The following ABCC6 variants were observed in gnomAD, a reference collection of about 807,000 sequenced individuals.
ABCC6 encodes the protein ATP binding cassette subfamily C member 6.
In ABCC6, 126 loss-of-function variants were observed where a neutral mutation model predicts 169.5. That is an observed-to-expected ratio of 0.74 (90% CI 0.64 to 0.86). The LOEUF is 0.86. ABCC6 is among the 40% of genes least tolerant of loss of function. ABCC6 has a pLI of 0.00. For synonymous variants in ABCC6, 752 were observed against 814.7 expected (o/e 0.92, Z 1.31); for missense variants, 1,733 against 1,927.2 (o/e 0.90, Z 1.89).
intron 4 of ABCC6, among the ~76,000 whole-genome samples, chr16:16,218,115 T>G (rs2048948069): frequency 6.6e-6 from 1 of 151,174 alleles, no homozygotes; most frequent in Non-Finnish European, 1.5e-5. Flanking sequence ...AAATAAAAAC[T>G]CTGTCCTTAA....
intron 29 of ABCC6, 121 bp from the exon 30 acceptor site, chr16:16,150,893 C>T (rs2046368517): frequency 6.6e-7 from 1 of 1,521,882 alleles, no homozygotes; most frequent in Non-Finnish European, 8.9e-7. Context: ...TTCAGGCATC[C>T]CCACACATGG....
intron 9 of ABCC6, 57 bp from the exon 10 acceptor site, chr16:16,198,239 C>A: frequency 1.3e-6 from 2 of 1,541,448 alleles, no homozygotes; most frequent in Non-Finnish European, 1.8e-6. Context: ...AGAGGGATGC[C>A]CCAGGTGGCT....
intron 23 of ABCC6, among the ~76,000 whole-genome samples, chr16:16,165,073 G>A (rs556671354): frequency 4.6e-5 from 7 of 152,300 alleles, no homozygotes; most frequent in African/African-American, 1.4e-4. Context: ...AAGAAATTAC[G>A]GCAGGATAAA....
intron 16 of ABCC6, 106 bp from the exon 17 acceptor site, chr16:16,182,694 G>C: frequency 6.4e-7 from 1 of 1,564,504 alleles, no homozygotes; most frequent in Non-Finnish European, 8.7e-7. Flanking sequence ...GAGAGGTGGA[G>C]AGAATGAGTG....
intron 2 of ABCC6, 48 bp downstream of exon 2, chr16:16,221,601 C>A (rs879217518): frequency 4.4e-6 from 7 of 1,604,194 alleles, no homozygotes; most frequent in Non-Finnish European, 6.0e-6. Flanking sequence ...CTGTCCCCTG[C>A]CTCCCCCGAA....
chr16:16,170,451 T>C (rs145366445), intron 21 of ABCC6, among the ~76,000 whole-genome samples: 2 of 152,198 alleles, frequency 1.3e-5, no homozygotes, highest in East Asian at 1.9e-4. Flanking sequence ...TCTCTCCTTA[T>C]AACAACCTCC....
chr16:16,165,728 C>G lies in ABCC6; in HGVS notation c.3201G>C (p.Leu1067=). The change falls in exon 23 of 31, where the codon CTG becomes CTC. Residue 1067 remains leucine (L), a synonymous_variant. Transcript: ENST00000205557. ...VDIPDKLRSL[L]MYAFGLLEVS... is the part of the protein sequence containing the mutation. ...CCTCCAGGAGTCCAAAGGCGTACATCAGCAGGGACCGGAGTTTGTCTGGAA... is the reference window on the plus strand; with the variant it reads ...CCTCCAGGAGTCCAAAGGCGTACATGAGCAGGGACCGGAGTTTGTCTGGAA... The G allele has an allele frequency of 6.2e-7, 1 of 1,613,736 alleles. No homozygotes were observed. The highest frequency in any genetic ancestry group is 8.5e-7 in the Non-Finnish European group (1 of 1,180,038).
chr16:16,221,333 A>G, intron 2 of ABCC6: 5 of 1,391,044 alleles, frequency 3.6e-6, no homozygotes. Flanking sequence ...CTCTAAAATT[A>G]CCTTGTGTAT....
intron 14 of ABCC6, among the ~76,000 whole-genome samples, chr16:16,186,455 A>G (rs1008182985): frequency 6.6e-6 from 1 of 151,784 alleles, no homozygotes; most frequent in Non-Finnish European, 1.5e-5. Context: ...GCAGAGTGTC[A>G]TCTGTGTTTA....
chr16:16,194,333 G>C (rs1259555769), intron 10 of ABCC6, among the ~76,000 whole-genome samples: 1 of 152,238 alleles, frequency 6.6e-6, no homozygotes, highest in Non-Finnish European at 1.5e-5. Context: ...TGAAGATAAA[G>C]AGTGAATAAG....
intron 29 of ABCC6, among the ~76,000 whole-genome samples, chr16:16,151,497 C>T (rs1234720776): frequency 6.6e-6 from 1 of 152,200 alleles, no homozygotes; most frequent in Non-Finnish European, 1.5e-5. Flanking sequence ...TGACTGACTG[C>T]TGCTTCAAGA....
chr16:16,154,263 C>CA (rs569078423), intron 29 of ABCC6, among the ~76,000 whole-genome samples: 122 of 146,144 alleles, frequency 8.3e-4, no homozygotes, highest in African/African-American at 1.9e-3. Context: ...TGACATTTAC[C>CA]AAAAAAAAAA....
chr16:16,182,262 C>CGTGCTAG, intron 17 of ABCC6, 150 bp downstream of exon 17: 2 of 926,910 alleles, frequency 2.2e-6, no homozygotes, highest in African/African-American at 1.6e-5. Context: ...GCACCTAGCA[C>CGTGCTAG]GTGCTTGACG....
At chr16:16,173,033 C>A in intron 21 of ABCC6, 1 of 558,010 alleles carries the variant, frequency 1.8e-6, no homozygotes, top group Non-Finnish European at 3.1e-6. Flanking sequence ...GTGAGCGAGC[C>A]ACTTTCTCAA....
At position 16,184,198 on chromosome 16, in the gene ABCC6, C is replaced by CAAAAAAAAAAAAAAAAAAAAAAAAAAA. The variant is rs56071235; in HGVS notation, c.1943+734_1943+760dup. On this transcript the variant is annotated intron_variant, in intron 15 of 30. Coordinates refer to ENST00000205557, the MANE Select transcript of ABCC6 (RefSeq NM_001171.6). Reference sequence around the variant, plus strand: ...CGCGTGATAGAGCAAGACTCCGTTTCAAAAAAAAAAAAAAAAAAAAAAAAA... The same window carrying CAAAAAAAAAAAAAAAAAAAAAAAAAAA: ...CGCGTGATAGAGCAAGACTCCGTTTCAAAAAAAAAAAAAAAAAAAAAAAAAAAAAAAAAAAAAAAAAAAAAAAAAAAA... 4.2e-5 allele frequency: 3 copies of CAAAAAAAAAAAAAAAAAAAAAAAAAAA among 71,346 alleles called. 1 individual carries two copies. The highest frequency in any genetic ancestry group is 7.9e-5 in the Non-Finnish European group (3 of 37,962). 4.4% of individuals were successfully genotyped at this position (71,346 alleles called of 1,614,324 possible). A position where few individuals can be genotyped will look rare whatever the true frequency, so the allele number is the denominator to read the frequency against.
At position 16,161,376 on chromosome 16, in the gene ABCC6, G is replaced by T. The variant is rs980453664; in HGVS notation, c.3633+62C>A. The T allele has an allele frequency of 1.0e-4, 166 of 1,611,240 alleles. 1 individual carries two copies. The highest frequency in any genetic ancestry group is 7.4e-4 in the South Asian group (67 of 90,954). ...AGGGTCTTCAAAGGTCCCACTAGCA[G>T]GGGTCCGACAGTCTCTGCCTCTGTC... On this transcript the variant is annotated intron_variant, in intron 25 of 30. Coordinates refer to ENST00000205557, the MANE Select transcript of ABCC6 (RefSeq NM_001171.6).
At position 16,210,532 on chromosome 16, in the gene ABCC6, T is replaced by C. The variant is rs1234961302; in HGVS notation, c.662+1653A>G. On this transcript the variant is annotated intron_variant, in intron 6 of 30. Coordinates refer to ENST00000205557, the MANE Select transcript of ABCC6 (RefSeq NM_001171.6). Reference sequence around the variant, plus strand: ...GGCTTGATTTTCCCTGAAATTATTTTTGGAGTTCTCCTATATGGCAAGTGA... The same window carrying C: ...GGCTTGATTTTCCCTGAAATTATTTCTGGAGTTCTCCTATATGGCAAGTGA... Among the ~76,000 whole-genome samples the C allele has an allele frequency of 2.0e-5, 3 of 152,250 alleles. No homozygotes were observed. The East Asian group carries it at 5.8e-4, about 29-fold the overall frequency.
At chr16:16,198,702 T>C (rs2048136163) in intron 9 of ABCC6, among the ~76,000 whole-genome samples, 1 of 150,554 alleles carries the variant, frequency 6.6e-6, no homozygotes, top group Non-Finnish European at 1.5e-5. Flanking sequence ...CTTTAAAAAA[T>C]TAGCCAGGGG....
At chr16:16,210,930 C>CA (rs1052882303) in intron 6 of ABCC6, among the ~76,000 whole-genome samples, 3 of 151,934 alleles carry the variant, frequency 2.0e-5, no homozygotes, top group Admixed American at 6.6e-5. Context: ...CCGGTCTCTA[C>CA]AAAAAACTAC....
Sources: gnomAD v4.1 joint callset for allele counts (sites outside exome capture counted in the v4.1 genomes callset) on GRCh38, gnomAD v4.1.1 for gene constraint, MANE v1.5 for transcripts, NCBI Gene and HGNC (gene_info 2026-07-23, HGNC 2026-07-21) for gene names.